The following HAPLN2 variants were observed in gnomAD, a reference collection of about 807,000 sequenced individuals.
HAPLN2 encodes the protein brain link protein-1.
In HAPLN2, 27 loss-of-function variants were observed where a neutral mutation model predicts 29.3. The observed-to-expected ratio is 0.92, with a 90% CI of 0.68 to 1.27. The LOEUF is 1.27. Ranked by LOEUF, HAPLN2 falls within the 50% of genes most tolerant of loss-of-function variation. The pLI is 0.00. For missense variants in HAPLN2, 454 were observed against 484.3 expected (o/e 0.94, Z 0.59); for synonymous variants, 208 against 211.7 (o/e 0.98, Z 0.15).
At chr1:156,608,815 C>T in the HAPLN2 span, among the ~76,000 whole-genome samples, 8 of 152,262 alleles carry the variant, frequency 5.3e-5, no homozygotes, top group South Asian at 2.1e-4. Flanking sequence ...GTGCTTGCTG[C>T]GCTTCTAGAG....
chr1:156,625,075 G>T lies in HAPLN2; in HGVS notation c.740-26G>T, dbSNP rs1449383997. 1.3e-6 allele frequency: 2 copies of T among 1,533,196 alleles called. No homozygotes were observed. Among genetic ancestry groups the T allele is most frequent in the East Asian group, 2.5e-5 (1 of 40,806 alleles). The allele number at this position is 1,533,196 out of a possible 1,614,324, so 95.0% of individuals were successfully genotyped here. On this transcript the variant is annotated intron_variant, in intron 6 of 6. Coordinates refer to ENST00000255039, the MANE Select transcript of HAPLN2 (RefSeq NM_021817.3). This position sits in a 1 kb window ranked among gnomAD's most constrained non-coding sequence, Gnocchi z 5.7. ...GCCCCTCTCCGCCCACCCTGCCCTC[G>T]GTCGGTGACCCGCTGTGGTCCCCAG... is the stretch of plus-strand genomic sequence containing the variant.
Position 156,624,757 on chromosome 1 carries a change from C to A in HAPLN2, c.713C>A (p.Ala238Asp). The A allele has an allele frequency of 1.3e-6, 2 of 1,534,980 alleles. No homozygotes were observed. Among genetic ancestry groups the A allele is most frequent in the Non-Finnish European group, 1.7e-6 (2 of 1,149,750 alleles). Residue 238 changes from alanine to aspartate, a missense_variant, in exon 6 of 7, where the codon GCC becomes GAC. Physicochemically the swap from Ala to Asp is moderately radical, Grantham distance 126. Coordinates refer to ENST00000255039, the MANE Select transcript of HAPLN2 (RefSeq NM_021817.3). ...PRDRMRDRYD[A>D]FCFTSALAGQ... ...GACCGGATGCGCGACCGCTACGACG[C>A]CTTCTGCTTCACCTCCGCGCTGGCG...
upstream of HAPLN2, among the ~76,000 whole-genome samples, chr1:156,616,153 A>G (rs1413603553): frequency 6.6e-6 from 1 of 152,098 alleles, no homozygotes; most frequent in African/African-American, 2.4e-5. Context: ...GTGTTAGAGA[A>G]GGAGATGTCG....
In HAPLN2 at chr1:156,625,115, G is replaced by A. The variant is rs2102534444; in HGVS notation, c.754G>A (p.Val252Met). 1 of 1,538,694 alleles carries A rather than the reference G, an allele frequency of 6.5e-7. No individual in the cohort carries two copies. The highest frequency in any genetic ancestry group is 1.2e-5 in the South Asian group (1 of 83,920). The change falls in exon 7 of 7, where the codon GTG becomes ATG. Residue 252 changes from valine (V) to methionine (M), a missense_variant. This residue lies in a region of HAPLN2 where 235 missense variants were observed against 236.9 expected (regional missense o/e 0.99). Transcript: ENST00000255039. This position sits in a 1 kb window ranked among gnomAD's most constrained non-coding sequence, Gnocchi z 5.7. ...GTGGTCCCCAGGCCAAGTGTTCTTCGTGCCCGGGCGGCTGACGCTGTCTGA... is the reference window on the plus strand; with the variant it reads ...GTGGTCCCCAGGCCAAGTGTTCTTCATGCCCGGGCGGCTGACGCTGTCTGA... ...TSALAGQVFF[V>M]PGRLTLSEAH...
rs921137955 is a variant in HAPLN2, at chr1:156,625,121, G to A, written c.760G>A (p.Gly254Arg). The A allele has an allele frequency of 1.3e-5, 20 of 1,539,458 alleles. No individual in the cohort carries two copies. The African/African-American group carries it at 2.7e-4, about 21-fold the overall frequency. ...CCCAGGCCAAGTGTTCTTCGTGCCC[G>A]GGCGGCTGACGCTGTCTGAAGCCCA... ...ALAGQVFFVP[G>R]RLTLSEAHAA... The change falls in exon 7 of 7, where the codon GGG (glycine) becomes AGG (arginine). Residue 254 changes from glycine to arginine, a missense_variant. This residue lies in a region of HAPLN2 where 235 missense variants were observed against 236.9 expected (regional missense o/e 0.99). Coordinates refer to ENST00000255039, the MANE Select transcript of HAPLN2 (RefSeq NM_021817.3). The surrounding 1 kb of genome is among the most constrained non-coding windows in gnomAD (Gnocchi z 5.7).
chr1:156,618,804 A>G (rs1678130937), upstream of HAPLN2, among the ~76,000 whole-genome samples: 1 of 147,722 alleles, frequency 6.8e-6, no homozygotes, highest in Non-Finnish European at 1.5e-5. Flanking sequence ...AAAAAAAAAA[A>G]GACTTGAGAG....
At chr1:156,606,563 G>C in the HAPLN2 span, among the ~76,000 whole-genome samples, 7 of 150,422 alleles carry the variant, frequency 4.7e-5, no homozygotes, top group East Asian at 1.4e-3. Context: ...GCTCCCTGAA[G>C]CCTCAATCTC....
chr1:156,614,339 C>G (rs968919486), upstream of HAPLN2, among the ~76,000 whole-genome samples: 2 of 152,022 alleles, frequency 1.3e-5, no homozygotes, highest in South Asian at 4.2e-4. Context: ...ATTCTCCTGC[C>G]TCAGCCTCCC....
chr1:156,605,018 C>A, the HAPLN2 span, among the ~76,000 whole-genome samples: 1 of 151,838 alleles, frequency 6.6e-6, no homozygotes, highest in Non-Finnish European at 1.5e-5. Context: ...GTAATCCCAG[C>A]ACTTTGGGAG....
intron 2 of HAPLN2, among the ~76,000 whole-genome samples, chr1:156,621,733 G>A (rs12405789): frequency 0.012 from 1,529 of 122,398 alleles, no homozygotes; most frequent in Non-Finnish European, 0.013. Context: ...TCAGAAAAAA[G>A]AAAAAAAAAA....
At chr1:156,601,612 G>T in the HAPLN2 span, 3 of 698,988 alleles carry the variant, frequency 4.3e-6, no homozygotes, top group Admixed American at 2.7e-5. Context: ...GACCTGGAGC[G>T]TGCCCATTTT....
chr1:156,619,354 G>A (rs1226369497), upstream of HAPLN2: 2 of 152,152 alleles, frequency 1.3e-5, no homozygotes, highest in African/African-American at 2.4e-5. Flanking sequence ...GGAAAAGACA[G>A]AGACAATGGG....
chr1:156,625,476 C>T lies in HAPLN2; in HGVS notation c.*92C>T. 7.5e-7 allele frequency: 1 copy of T among 1,327,798 alleles called. No homozygotes were observed. The highest frequency in any genetic ancestry group is 1.5e-5 in the African/African-American group (1 of 65,624). 82.3% of individuals were successfully genotyped at this position (1,327,798 alleles called of 1,614,324 possible). On this transcript the variant is annotated 3_prime_UTR_variant, in exon 7 of 7. Transcript: ENST00000255039. This position sits in a 1 kb window ranked among gnomAD's most constrained non-coding sequence, Gnocchi z 5.7. Reference sequence around the variant, plus strand: ...CCCCTTTCCGGAGAGCCTCCCCTCCCTCCAGACCCGGAGCGGCCTCTCCAG... The same window carrying T: ...CCCCTTTCCGGAGAGCCTCCCCTCCTTCCAGACCCGGAGCGGCCTCTCCAG...
chr1:156,623,037 A>AAATAAATAAAT (rs1553235325), intron 2 of HAPLN2, among the ~76,000 whole-genome samples: 1 of 111,424 alleles, frequency 9.0e-6, no homozygotes, highest in Non-Finnish European at 1.8e-5. Context: ...CTGTCTCAAA[A>AAATAAATAAAT]AAATAAATAA....
the HAPLN2 span, among the ~76,000 whole-genome samples, chr1:156,604,142 G>C: frequency 6.6e-6 from 1 of 152,096 alleles, no homozygotes; most frequent in African/African-American, 2.4e-5. Context: ...CAGATAACAA[G>C]ATGCATAGAA....
upstream of HAPLN2, among the ~76,000 whole-genome samples, chr1:156,616,939 G>T (rs1173579712): frequency 6.6e-6 from 1 of 151,894 alleles, no homozygotes; most frequent in Non-Finnish European, 1.5e-5. Flanking sequence ...ATTTTTAAAA[G>T]TTAGCTGGGT....
At chr1:156,603,414 A>T in the HAPLN2 span, among the ~76,000 whole-genome samples, 9 of 148,818 alleles carry the variant, frequency 6.0e-5, no homozygotes, top group African/African-American at 2.0e-4. Context: ...TTCAATTTCC[A>T]CCCACCCCCA....
chr1:156,602,913 C>G, the HAPLN2 span, among the ~76,000 whole-genome samples: 81 of 152,168 alleles, frequency 5.3e-4, no homozygotes, highest in African/African-American at 1.7e-3. Flanking sequence ...ACTTAGCGCC[C>G]CCTAGAAACT....
chr1:156,621,911 G>A lies in HAPLN2; in HGVS notation c.-24-1556G>A, dbSNP rs143069074. ...GTGGAGCTTGCAGTGATCCAAGATC[G>A]TGCCACTGTGCTCCAGCCTGGGCAA... On this transcript the variant is annotated intron_variant, in intron 2 of 6. Transcript: ENST00000255039. 4.4e-3 allele frequency among the ~76,000 whole-genome samples: 665 copies of A among 151,210 alleles called. 10 individuals are homozygous for A. Among genetic ancestry groups the A allele is most frequent in the African/African-American group, 0.015 (607 of 41,206 alleles).
Sources: gnomAD v4.1 joint callset for allele counts (sites outside exome capture counted in the v4.1 genomes callset) on GRCh38, gnomAD v4.1.1 for gene constraint, gnomAD v4.1.1 regional missense constraint, Gnocchi (gnomAD v3.1) non-coding constraint, MANE v1.5 for transcripts, NCBI Gene and HGNC (gene_info 2026-07-23, HGNC 2026-07-21) for gene names.